Variants in CHD1L observed in about 807,000 individuals in gnomAD.
The protein encoded by CHD1L is chromodomain helicase DNA binding protein 1 like.
CHD1L carries 118 observed loss-of-function variants against 115.9 expected under a neutral mutation model. The ratio of observed to expected loss-of-function variants is 1.02; its 90% CI spans 0.88 to 1.19. The LOEUF (loss-of-function observed/expected upper bound fraction) is 1.19, where lower values mean the gene tolerates loss of function less well. Among genes scored for constraint, CHD1L ranks in the 50% most tolerant of loss-of-function variants. The pLI is 0.00. For synonymous variants in CHD1L, 411 were observed against 387.1 expected, an observed-to-expected ratio of 1.06 and a Z score of -0.72; for missense variants, 1,179 against 1,065.3, an observed-to-expected ratio of 1.11 and a Z score of -1.49.
chr1:147,177,292 C>CA, the CHD1L span, among the ~76,000 whole-genome samples: 1 of 151,988 alleles, frequency 6.6e-6, no homozygotes, highest in Admixed American at 6.5e-5. Context: ...TAGAATAATT[C>CA]AAAAAATAAG....
intron 1 of CHD1L, among the ~76,000 whole-genome samples, chr1:147,247,059 G>A (rs1666853501): frequency 6.6e-6 from 1 of 152,140 alleles, no homozygotes; most frequent in Admixed American, 6.5e-5. Flanking sequence ...TTTCCCTGGA[G>A]ACTTCCTCTT....
chr1:147,226,249 T>C, the CHD1L span, among the ~76,000 whole-genome samples: 1 of 151,984 alleles, frequency 6.6e-6, no homozygotes, highest in African/African-American at 2.4e-5. Flanking sequence ...GGCTCACCTA[T>C]ACCTCTCTCC....
In CHD1L at chr1:147,248,210, A is replaced by AT. The variant is rs782741705; in HGVS notation, c.128-4403dup. On this transcript the variant is annotated intron_variant, in intron 1 of 22. Transcript: ENST00000369258. ...GTTTAAAATCCACTCTGGAAGTCTTATTTTTTTTTTCTTTGAGACGGAGTT... is the reference window on the plus strand; with the variant it reads ...GTTTAAAATCCACTCTGGAAGTCTTATTTTTTTTTTTCTTTGAGACGGAGTT... 7.8e-3 allele frequency among the ~76,000 whole-genome samples: 1,166 copies of AT among 149,862 alleles called. 3 individuals carry two copies. The highest frequency in any genetic ancestry group is 0.011 in the Non-Finnish European group (774 of 67,394).
the CHD1L span, among the ~76,000 whole-genome samples, chr1:147,192,464 C>T: frequency 8.3e-3 from 1,264 of 152,220 alleles, 26 homozygotes; most frequent in African/African-American, 0.03. Flanking sequence ...CAAACAGGGA[C>T]AATTTGACTT....
the CHD1L span, among the ~76,000 whole-genome samples, chr1:147,224,722 G>T: frequency 3.9e-5 from 6 of 152,086 alleles, no homozygotes; most frequent in Non-Finnish European, 7.3e-5. Flanking sequence ...GTGTTAGCCA[G>T]GATGGTCTCG....
At chr1:147,275,504 G>A in intron 13 of CHD1L, 36 bp downstream of exon 13, 2 of 1,520,550 alleles carry the variant, frequency 1.3e-6, no homozygotes, top group Non-Finnish European at 1.8e-6. Context: ...GGCTTGCCCA[G>A]CAGCAGTTCT....
At chr1:147,290,323 G>A (rs1444335433) in intron 19 of CHD1L, among the ~76,000 whole-genome samples, 1 of 151,968 alleles carries the variant, frequency 6.6e-6, no homozygotes, top group African/African-American at 2.4e-5. Flanking sequence ...GAGCTCAAGT[G>A]GTCCACCTCC....
rs782736568 is a variant in CHD1L at position 147,256,567 on chromosome 1, G to A, written c.494+5G>A. On this transcript the variant is annotated splice_donor_5th_base_variant and intron_variant, in intron 5 of 22. Transcript: ENST00000369258. ...AGATGCATCATTTCTAAAATCGTGA[G>A]TAGGTTGTACTATTTAAGAACTTGG... 2 of 1,612,836 alleles carry A rather than the reference G, an allele frequency of 1.2e-6. No homozygotes were observed. Among genetic ancestry groups the A allele is most frequent in the East Asian group, 2.2e-5 (1 of 44,864 alleles).
intron 11 of CHD1L, 36 bp from the exon 12 acceptor site, chr1:147,272,135 G>A (rs1676479134): frequency 6.4e-7 from 1 of 1,560,630 alleles, no homozygotes; most frequent in Non-Finnish European, 8.8e-7. Context: ...TACTTGAAAA[G>A]GGTTAAGATT....
chr1:147,178,225 C>G, the CHD1L span: 1 of 1,613,550 alleles, frequency 6.2e-7, no homozygotes. Context: ...CTTGGAGAGT[C>G]GCATCTCCGA....
At chr1:147,240,247 C>T (rs61649723), upstream of CHD1L, among the ~76,000 whole-genome samples, 2,718 of 152,292 alleles carry the variant, frequency 0.018, 83 homozygotes, top group African/African-American at 0.063. Context: ...CCCTGTGCTC[C>T]CTGAAACATG....
chr1:147,279,797 A>G (rs960422555), intron 14 of CHD1L, among the ~76,000 whole-genome samples: 2 of 152,170 alleles, frequency 1.3e-5, no homozygotes, highest in Non-Finnish European at 1.5e-5. Flanking sequence ...TTTATGCAGA[A>G]TTGTCAAAGT....
chr1:147,242,945 A>AGG (rs1665225559), intron 1 of CHD1L, 115 bp downstream of exon 1: 1 of 1,159,656 alleles, frequency 8.6e-7, no homozygotes, highest in African/African-American at 1.6e-5. Context: ...CGCTCGCGCC[A>AGG]GGGCCTTCCT....
In CHD1L at chr1:147,249,404, A is replaced by ATTTTTTTT. The variant is rs59773572; in HGVS notation, c.128-3206_128-3199dup. On this transcript the variant is annotated intron_variant, in intron 1 of 22. Transcript: ENST00000369258. The stretch of plus-strand genomic sequence containing the variant: ...TTAATAATTACATATCTTGGTGTGT[A>ATTTTTTTT]TTTTTTTTTTTTTTTTTTTTGAGAT... Among the ~76,000 whole-genome samples, 43 of 94,158 alleles carry ATTTTTTTT rather than the reference A, an allele frequency of 4.6e-4. 2 individuals are homozygous for ATTTTTTTT. Among genetic ancestry groups the ATTTTTTTT allele is most frequent in the African/African-American group, 5.3e-4 (12 of 22,554 alleles). The allele number at this position is 94,158 out of a possible 152,430, so 61.8% of individuals were successfully genotyped here. A position where few individuals can be genotyped will look rare whatever the true frequency, so the allele number is the denominator to read the frequency against.
intron 14 of CHD1L, among the ~76,000 whole-genome samples, chr1:147,278,119 G>A (rs1679244960): frequency 6.6e-6 from 1 of 151,846 alleles, no homozygotes; most frequent in Non-Finnish European, 1.5e-5. Context: ...TCTTCCCCAT[G>A]CAGATGCTAT....
the CHD1L span, among the ~76,000 whole-genome samples, chr1:147,216,368 C>G: frequency 2.0e-5 from 3 of 152,114 alleles, no homozygotes; most frequent in Non-Finnish European, 4.4e-5. Context: ...CTATTCTATC[C>G]CAGCTGAAGT....
At position 147,287,734 on chromosome 1, in the gene CHD1L, G is replaced by A; in HGVS notation, c.2320+1G>A. On this transcript the variant is annotated splice_donor_variant, in intron 19 of 22. Coordinates refer to ENST00000369258, the MANE Select transcript of CHD1L (RefSeq NM_004284.6). LOFTEE classifies it high-confidence loss of function. ...TATGAGCTGGCTGGGAAAATGAAAG[G>A]TAAGAAGCAAAGCAGAGGGAAAGGT... is the stretch of plus-strand genomic sequence containing the variant. The A allele has an allele frequency of 6.2e-7, 1 of 1,613,362 alleles. No individual in the cohort carries two copies. Among genetic ancestry groups the A allele is most frequent in the Non-Finnish European group, 8.5e-7 (1 of 1,179,688 alleles).
chr1:147,212,430 C>T, the CHD1L span: 1 of 1,614,084 alleles, frequency 6.2e-7, no homozygotes, highest in East Asian at 2.2e-5. Context: ...AGCCAGATCC[C>T]CTCCAGAATT....
chr1:147,178,059 C>G, the CHD1L span: 1 of 989,088 alleles, frequency 1.0e-6, no homozygotes, highest in South Asian at 1.7e-5. Flanking sequence ...GCCCGACCGC[C>G]GCAGTCCCAG....
Sources: allele counts gnomAD v4.1 joint callset (sites outside exome capture counted in the v4.1 genomes callset), GRCh38; gene constraint gnomAD v4.1.1; transcripts MANE v1.5; gene names NCBI Gene and HGNC (gene_info 2026-07-23, HGNC 2026-07-21).